The following MTG1 variants were observed in gnomAD, a reference collection of about 807,000 sequenced individuals.
MTG1 encodes the protein mitochondrial ribosome associated GTPase 1.
In MTG1, 30 loss-of-function variants were observed where a neutral mutation model predicts 39.5. That is an observed-to-expected ratio of 0.76 (90% CI 0.57 to 1.03). The LOEUF (loss-of-function observed/expected upper bound fraction) is 1.03. Among genes scored for constraint, MTG1 ranks in the 50% least tolerant of loss-of-function variants. MTG1 has a pLI of 0.00. For synonymous variants in MTG1, 217 were observed against 179.0 expected (o/e 1.21, Z -1.69); for missense variants, 513 against 447.4 (o/e 1.15, Z -1.32).
intron 5 of MTG1, 109 bp from the exon 6 acceptor site, chr10:133,399,417 CCTT>C: frequency 8.0e-7 from 1 of 1,242,832 alleles, no homozygotes; most frequent in Non-Finnish European, 1.2e-6. Context: ...CGTTAACCTC[CCTT>C]CTTCCCTGAG....
In MTG1 at chr10:133,421,134, G is replaced by A. The variant is rs1231330365; in HGVS notation, c.*969G>A. ...CCACAGCAGCCTCCACCAGGGCCCT[G>A]GTGCTCAGTGGCCCCTCTTTGCTGG... On this transcript the variant is annotated 3_prime_UTR_variant, in exon 11 of 11. Transcript: ENST00000317502. The A allele has an allele frequency of 6.6e-6, 1 of 152,460 alleles. No individual in the cohort carries two copies. Among genetic ancestry groups the A allele is most frequent in the Non-Finnish European group, 1.5e-5 (1 of 68,250 alleles). 9.4% of individuals were successfully genotyped at this position (152,460 alleles called of 1,614,324 possible).
intron 9 of MTG1, among the ~76,000 whole-genome samples, chr10:133,412,661 T>C (rs536217459): frequency 6.6e-6 from 1 of 152,216 alleles, no homozygotes; most frequent in Non-Finnish European, 1.5e-5. Flanking sequence ...TCTCTTACCA[T>C]TGAGTGCAGT....
chr10:133,403,823 CAT>C (rs1849925043), intron 9 of MTG1, among the ~76,000 whole-genome samples: 2 of 152,036 alleles, frequency 1.3e-5, no homozygotes, highest in South Asian at 2.1e-4. Flanking sequence ...ATAGGGGAGG[CAT>C]ATGTTTGAGT....
chr10:133,416,661 T>G (rs1431654441), intron 9 of MTG1, among the ~76,000 whole-genome samples: 1 of 146,412 alleles, frequency 6.8e-6, no homozygotes, highest in Non-Finnish European at 1.5e-5. Flanking sequence ...GTGTTTGGTT[T>G]TTTGTTCTTG....
rs1004788683 is a variant in MTG1, at chr10:133,421,402, T to G, written c.*1237T>G. Reference sequence around the variant, plus strand: ...GGGTCTGGTGCAGCTCAGCCCATTTTCCAGGTGGGCATCTGCAAAGTTGAG... The same window carrying G: ...GGGTCTGGTGCAGCTCAGCCCATTTGCCAGGTGGGCATCTGCAAAGTTGAG... On this transcript the variant is annotated 3_prime_UTR_variant, in exon 11 of 11. Coordinates refer to ENST00000317502, the MANE Select transcript of MTG1 (RefSeq NM_138384.4). 6.5e-6 allele frequency: 1 copy of G among 153,244 alleles called. No individual in the cohort carries two copies. The highest frequency in any genetic ancestry group is 2.4e-5 in the African/African-American group (1 of 41,450). The allele number at this position is 153,244 out of a possible 1,614,324, so 9.5% of individuals were successfully genotyped here. A position where few individuals can be genotyped will look rare whatever the true frequency, so the allele number is the denominator to read the frequency against.
At position 133,406,122 on chromosome 10, in the gene MTG1, A is replaced by G. The variant is rs1164367702; in HGVS notation, c.752+3349A>G. Among the ~76,000 whole-genome samples, 5 of 152,048 alleles carry G rather than the reference A, an allele frequency of 3.3e-5. No homozygotes were observed. In the South Asian group the frequency reaches 6.2e-4, roughly 19 times the overall value. ...GCATTTTTTCATACACTTGTTGGCCATTTGTATGTCTTCTTTTGAGAAATA... is the reference window on the plus strand; with the variant it reads ...GCATTTTTTCATACACTTGTTGGCCGTTTGTATGTCTTCTTTTGAGAAATA... On this transcript the variant is annotated intron_variant, in intron 9 of 10. Coordinates refer to ENST00000317502, the MANE Select transcript of MTG1 (RefSeq NM_138384.4).
At chr10:133,400,431 G>A (rs948707698) in intron 6 of MTG1, among the ~76,000 whole-genome samples, 13 of 152,164 alleles carry the variant, frequency 8.5e-5, no homozygotes, top group African/African-American at 2.4e-4. Context: ...TCACTGCCCC[G>A]TGGGCTCTTT....
chr10:133,420,650 C>T lies in MTG1; in HGVS notation c.*485C>T, dbSNP rs1338057832. On this transcript the variant is annotated 3_prime_UTR_variant, in exon 11 of 11. Coordinates refer to ENST00000317502, the MANE Select transcript of MTG1 (RefSeq NM_138384.4). The stretch of plus-strand genomic sequence containing the variant: ...GGTCCAGTGTCTTGCAGTCCTACAA[C>T]AAGTGAGAGGCTTGCTGCCATCAGA... The T allele has an allele frequency of 6.5e-6, 1 of 154,766 alleles. No homozygotes were observed. The allele number at this position is 154,766 out of a possible 1,614,324, so 9.6% of individuals were successfully genotyped here. A position where few individuals can be genotyped will look rare whatever the true frequency, so the allele number is the denominator to read the frequency against.
At chr10:133,400,609 T>TA (rs1849860757) in intron 6 of MTG1, among the ~76,000 whole-genome samples, 1 of 152,266 alleles carries the variant, frequency 6.6e-6, no homozygotes, top group South Asian at 2.1e-4. Flanking sequence ...GGAGCATTGT[T>TA]ACAGTCATTT....
intron 9 of MTG1, among the ~76,000 whole-genome samples, chr10:133,419,139 C>T (rs1347445386): frequency 2.0e-5 from 3 of 152,228 alleles, no homozygotes; most frequent in African/African-American, 7.2e-5. Flanking sequence ...AGAGGCCTGC[C>T]TGTCCTACCC....
chr10:133,412,659 C>A (rs981073531), intron 9 of MTG1, among the ~76,000 whole-genome samples: 8 of 152,184 alleles, frequency 5.3e-5, no homozygotes, highest in African/African-American at 1.7e-4. Context: ...AGTCTCTTAC[C>A]ATTGAGTGCA....
intron 6 of MTG1, among the ~76,000 whole-genome samples, chr10:133,400,656 A>G (rs997675258): frequency 4.6e-5 from 7 of 152,318 alleles, no homozygotes; most frequent in African/African-American, 1.7e-4. Context: ...ATTATTTTTT[A>G]TCAGTGGTAT....
chr10:133,396,382 G>A, intron 3 of MTG1, 115 bp downstream of exon 3: 1 of 910,218 alleles, frequency 1.1e-6, no homozygotes, highest in Non-Finnish European at 1.7e-6. Context: ...GGCAGGCTCT[G>A]CTTTAGAAAC....
rs1191503893 is a variant in MTG1, at chr10:133,398,381, C to T, written c.283-54C>T. The T allele has an allele frequency of 5.7e-6, 9 of 1,571,784 alleles. No individual in the cohort carries two copies. The African/African-American group carries it at 1.1e-4, about 19-fold the overall frequency. On this transcript the variant is annotated intron_variant, in intron 3 of 10. Coordinates refer to ENST00000317502, the MANE Select transcript of MTG1 (RefSeq NM_138384.4). ...TGCTACTGCACTCCAGCCTGGGTGACAGAGCCAAGACTCCAGTAAAAAAAG... is the reference window on the plus strand; with the variant it reads ...TGCTACTGCACTCCAGCCTGGGTGATAGAGCCAAGACTCCAGTAAAAAAAG...
At position 133,420,470 on chromosome 10, in the gene MTG1, A is replaced by C; in HGVS notation, c.*305A>C. On this transcript the variant is annotated 3_prime_UTR_variant, in exon 11 of 11. Coordinates refer to ENST00000317502, the MANE Select transcript of MTG1 (RefSeq NM_138384.4). ...TGTCTCAGAAGGAGTTAAAGCTATA[A>C]CCTGTAACCTTTAAAATCTCCAGTT... 1 of 345,910 alleles carries C rather than the reference A, an allele frequency of 2.9e-6. No individual in the cohort carries two copies. The highest frequency in any genetic ancestry group is 4.5e-5 in the East Asian group (1 of 22,094). The allele number at this position is 345,910 out of a possible 1,614,324, so 21.4% of individuals were successfully genotyped here.
chr10:133,395,634 A>T (rs1849770773), intron 1 of MTG1, 79 bp from the exon 2 acceptor site: 2 of 1,365,756 alleles, frequency 1.5e-6, no homozygotes, highest in African/African-American at 2.8e-5. Flanking sequence ...GTGGCGTGTC[A>T]TTCTGGACGG....
intron 9 of MTG1, among the ~76,000 whole-genome samples, chr10:133,415,135 C>T (rs1338000988): frequency 1.3e-5 from 2 of 151,496 alleles, no homozygotes; most frequent in East Asian, 1.9e-4. Flanking sequence ...AGCTTCGGCT[C>T]GGCATCAGAG....
chr10:133,406,883 T>C (rs1398090641), intron 9 of MTG1, among the ~76,000 whole-genome samples: 1 of 152,196 alleles, frequency 6.6e-6, no homozygotes, highest in Non-Finnish European at 1.5e-5. Context: ...CAGGCTGGTC[T>C]TGAACTCCTG....
In MTG1 at chr10:133,394,260, G is replaced by A. The variant is rs762051200; in HGVS notation, c.40G>A (p.Ala14Thr). ...TPRALCSAAQ[A>T]AWRENFPLCG... ...GCGCGCGCTGTGCAGCGCCGCCCAG[G>A]CCGCCTGGCGGGAGAACTTCCCCCT... Residue 14 changes from alanine (A) to threonine (T), a missense_variant, in exon 1 of 11, where the codon GCC (alanine) becomes ACC (threonine). Physicochemically the swap from Ala to Thr is moderately conservative, Grantham distance 58. Transcript: ENST00000317502. The A allele has an allele frequency of 1.6e-5, 25 of 1,517,550 alleles. No individual in the cohort carries two copies. The highest frequency in any genetic ancestry group is 2.2e-5 in the Non-Finnish European group (25 of 1,137,430). 94.0% of individuals were successfully genotyped at this position (1,517,550 alleles called of 1,614,324 possible).
Sources: allele counts gnomAD v4.1 joint callset (sites outside exome capture counted in the v4.1 genomes callset), GRCh38; gene constraint gnomAD v4.1.1; transcripts MANE v1.5; gene names NCBI Gene and HGNC (gene_info 2026-07-23, HGNC 2026-07-21).